Variants in PTPRK observed in about 807,000 individuals in gnomAD.
PTPRK encodes receptor-type tyrosine-protein phosphatase kappa.
PTPRK carries 75 observed loss-of-function variants against 178.0 expected under a neutral mutation model. The observed-to-expected ratio is 0.42, with a 90% CI of 0.35 to 0.51. PTPRK has a LOEUF of 0.51. PTPRK is among the 20% of genes least tolerant of loss of function. The probability of loss-of-function intolerance (pLI) is 0.02; values close to 1 mark genes in which losing one functional copy is unlikely to be tolerated. For synonymous variants in PTPRK, 637 were observed against 620.6 expected (o/e 1.03, Z -0.39); for missense variants, 1,441 against 1,797.8 (o/e 0.80, Z 3.59).
At chr6:128,374,606 C>A (rs951309717) in intron 2 of PTPRK, among the ~76,000 whole-genome samples, 2 of 152,168 alleles carry the variant, frequency 1.3e-5, no homozygotes, top group African/African-American at 4.8e-5. Flanking sequence ...ATTCAATTTA[C>A]CCTAATATTT....
At chr6:128,433,011 C>T (rs146401835) in intron 1 of PTPRK, among the ~76,000 whole-genome samples, 3 of 152,010 alleles carry the variant, frequency 2.0e-5, no homozygotes, top group East Asian at 1.9e-4. Flanking sequence ...AAGGTTTGTA[C>T]ATAGTTATGT....
At chr6:128,187,844 C>T (rs1007784675) in intron 6 of PTPRK, among the ~76,000 whole-genome samples, 1 of 152,030 alleles carries the variant, frequency 6.6e-6, no homozygotes, top group East Asian at 1.9e-4. Context: ...ATTAATGAGG[C>T]TAATATACCA....
rs565214087 is a variant in PTPRK at position 128,018,348 on chromosome 6, C to T, written c.2195-9080G>A. Reference sequence around the variant, plus strand: ...TTTTAAACTTTTTTTGAAACAAATACATTAATGCTAGGGTTAACTGAACTA... The same window carrying T: ...TTTTAAACTTTTTTTGAAACAAATATATTAATGCTAGGGTTAACTGAACTA... On this transcript the variant is annotated intron_variant, in intron 13 of 29. Transcript: ENST00000368226. Among the ~76,000 whole-genome samples, 5 of 152,148 alleles carry T rather than the reference C, an allele frequency of 3.3e-5. No individual in the cohort carries two copies. In the East Asian group the frequency reaches 5.8e-4, roughly 18 times the overall value.
chr6:128,092,398 T>C (rs1433161685), intron 7 of PTPRK, among the ~76,000 whole-genome samples: 1 of 152,156 alleles, frequency 6.6e-6, no homozygotes, highest in Non-Finnish European at 1.5e-5. Flanking sequence ...CTTGATTGTT[T>C]TGAGCTGCGT....
chr6:128,071,670 C>A (rs939118299), intron 11 of PTPRK, among the ~76,000 whole-genome samples: 2 of 152,020 alleles, frequency 1.3e-5, no homozygotes, highest in Non-Finnish European at 2.9e-5. Context: ...TCTATTTCTA[C>A]CTTTTTTCAT....
In PTPRK at chr6:128,229,995, A is replaced by T. The variant is rs796339912; in HGVS notation, c.693+10040T>A. ...AAGACACACAAAAAAATGATAGAAT[A>T]TCACAGTTTTCTACCCCCAGGAATA... is the stretch of plus-strand genomic sequence containing the variant. On this transcript the variant is annotated intron_variant, in intron 5 of 29. Coordinates refer to ENST00000368226, the MANE Select transcript of PTPRK (RefSeq NM_002844.4). Among the ~76,000 whole-genome samples the T allele has an allele frequency of 2.0e-5, 3 of 152,210 alleles. No individual in the cohort carries two copies. The South Asian group carries it at 6.2e-4, about 32-fold the overall frequency.
Position 128,397,001 on chromosome 6 carries a change from A to C in PTPRK, c.223+565T>G, listed in dbSNP as rs146730867. Among the ~76,000 whole-genome samples, 866 of 152,200 alleles carry C rather than the reference A, an allele frequency of 5.7e-3. 5 individuals carry two copies. Among genetic ancestry groups the C allele is most frequent in the Middle Eastern group, 0.014 (4 of 294 alleles). ...TGACAGAGTGAGACTCCATATCAAA[A>C]AACAACAACAACAACAAAAGAACAG... On this transcript the variant is annotated intron_variant, in intron 2 of 29. Coordinates refer to ENST00000368226, the MANE Select transcript of PTPRK (RefSeq NM_002844.4).
chr6:128,216,452 T>C (rs1159205977), intron 6 of PTPRK, among the ~76,000 whole-genome samples: 1 of 151,628 alleles, frequency 6.6e-6, no homozygotes, highest in Admixed American at 6.6e-5. Context: ...CGAGAATCAC[T>C]TGAACCCAGG....
At chr6:128,041,483 G>C (rs147344275) in intron 13 of PTPRK, among the ~76,000 whole-genome samples, 155 of 152,096 alleles carry the variant, frequency 1.0e-3, no homozygotes, top group African/African-American at 3.6e-3. Flanking sequence ...GTGCTTCAAT[G>C]AGGCCAAACT....
chr6:128,414,656 G>T (rs533902293), intron 1 of PTPRK, among the ~76,000 whole-genome samples: 1 of 152,246 alleles, frequency 6.6e-6, no homozygotes, highest in East Asian at 1.9e-4. Flanking sequence ...CTAATGTAAC[G>T]ATGCCATTGC....
chr6:127,995,166 G>C lies in PTPRK; in HGVS notation c.2844+296C>G, dbSNP rs1356292435. On this transcript the variant is annotated intron_variant, in intron 18 of 29. Transcript: ENST00000368226. ...GTGAAGCATGCAGAAATAACTAGTA[G>C]TAACAGAGCGTTAGTAATAACTGTA... 3.8e-6 allele frequency: 5 copies of C among 1,325,000 alleles called. No homozygotes were observed. In the African/African-American group the frequency reaches 7.3e-5, roughly 19 times the overall value. 82.1% of individuals were successfully genotyped at this position (1,325,000 alleles called of 1,614,324 possible). A position where few individuals can be genotyped will look rare whatever the true frequency, so the allele number is the denominator to read the frequency against.
chr6:128,400,705 A>G (rs1584536612), intron 1 of PTPRK, among the ~76,000 whole-genome samples: 1 of 152,182 alleles, frequency 6.6e-6, no homozygotes, highest in African/African-American at 2.4e-5. Flanking sequence ...CTCACTAGAA[A>G]GGCCTAAACA....
rs1858909858 is a variant in PTPRK, at chr6:128,520,572, A to G, written c.-214T>C. The G allele has an allele frequency of 3.6e-6, 2 of 552,498 alleles. No individual in the cohort carries two copies. Among genetic ancestry groups the G allele is most frequent in the South Asian group, 2.2e-5 (1 of 44,472 alleles). The allele number at this position is 552,498 out of a possible 1,614,324, so 34.2% of individuals were successfully genotyped here. A position where few individuals can be genotyped will look rare whatever the true frequency, so the allele number is the denominator to read the frequency against. On this transcript the variant is annotated 5_prime_UTR_variant, in exon 1 of 30. An upstream start codon of the reference 5' UTR is lost. Transcript: ENST00000368226. ...CGGCCGGCCGCGGCGGCAGCTCTCCATGCTCGGCGGAGGCTGCTCCTGTTA... is the reference window on the plus strand; with the variant it reads ...CGGCCGGCCGCGGCGGCAGCTCTCCGTGCTCGGCGGAGGCTGCTCCTGTTA...
chr6:128,483,165 G>A (rs2128424924), intron 1 of PTPRK, among the ~76,000 whole-genome samples: 1 of 152,160 alleles, frequency 6.6e-6, no homozygotes, highest in East Asian at 1.9e-4. Context: ...ACATTATCAA[G>A]GCCTACAAAA....
At chr6:127,990,967 C>T in intron 20 of PTPRK, 82 bp from the exon 21 acceptor site, 1 of 799,882 alleles carries the variant, frequency 1.3e-6, no homozygotes, top group East Asian at 2.6e-5. Context: ...GCAATAACTC[C>T]TTGTCACAAT....
Position 128,218,961 on chromosome 6 carries a change from C to T in PTPRK, c.829G>A (p.Gly277Ser). ...TGAGCAAAATTGGACACACCGGAAC[C>T]TCGTTCTGACTGAGTTACACAGCGA... ...LYRCVTQSER[G>S]SGVSNFAQLI... is the part of the protein sequence containing the mutation. The change falls in exon 6 of 30, where the codon GGT (glycine) becomes AGT (serine). Residue 277 changes from glycine to serine, a missense_variant. Coordinates refer to ENST00000368226, the MANE Select transcript of PTPRK (RefSeq NM_002844.4). The T allele has an allele frequency of 6.2e-7, 1 of 1,614,010 alleles. No homozygotes were observed. Among genetic ancestry groups the T allele is most frequent in the Non-Finnish European group, 8.5e-7 (1 of 1,179,970 alleles).
In PTPRK at chr6:128,473,742, T is replaced by C. The variant is rs1032868416; in HGVS notation, c.100+46517A>G. Among the ~76,000 whole-genome samples the C allele has an allele frequency of 9.2e-5, 14 of 152,184 alleles. No homozygotes were observed. In the South Asian group the frequency reaches 2.9e-3, roughly 32 times the overall value. On this transcript the variant is annotated intron_variant, in intron 1 of 29. Coordinates refer to ENST00000368226, the MANE Select transcript of PTPRK (RefSeq NM_002844.4). ...AGAGTACAGAATGCCTGAACGAATG[T>C]TCTGAAGACTCAGATAACCAGAATC...
intron 21 of PTPRK, among the ~76,000 whole-genome samples, chr6:127,988,258 A>G (rs1433786799): frequency 6.6e-6 from 1 of 150,508 alleles, no homozygotes; most frequent in East Asian, 2.0e-4. Context: ...AGCTCCAGAG[A>G]ATGCTATCTT....
At chr6:128,325,478 GA>G (rs1279288040) in intron 2 of PTPRK, among the ~76,000 whole-genome samples, 2 of 151,512 alleles carry the variant, frequency 1.3e-5, no homozygotes, top group African/African-American at 4.9e-5. Flanking sequence ...AAATTTACAA[GA>G]AAAAAACAAA....
Sources: gnomAD v4.1 joint callset for allele counts (sites outside exome capture counted in the v4.1 genomes callset) on GRCh38, gnomAD v4.1.1 for gene constraint, MANE v1.5 for transcripts, NCBI Gene and HGNC (gene_info 2026-07-23, HGNC 2026-07-21) for gene names.